Variants in AGMO observed in about 807,000 individuals in gnomAD.
AGMO encodes the protein alkylglycerol monooxygenase.
AGMO carries 75 observed loss-of-function variants against 60.2 expected under a neutral mutation model. The observed-to-expected ratio is 1.25, with a 90% CI of 1.03 to 1.51. The LOEUF (loss-of-function observed/expected upper bound fraction) is 1.51, where lower values mean the gene tolerates loss of function less well. Ranked by LOEUF, AGMO falls within the 40% of genes most tolerant of loss-of-function variation. The probability of loss-of-function intolerance (pLI) is 0.00; values close to 1 mark genes in which losing one functional copy is unlikely to be tolerated. For synonymous variants in AGMO, 261 were observed against 177.1 expected, an observed-to-expected ratio of 1.47 and a Z score of -3.76; for missense variants, 763 against 525.5, an observed-to-expected ratio of 1.45 and a Z score of -4.42.
chr7:15,190,074 C>T, the AGMO span, among the ~76,000 whole-genome samples: 2,417 of 3,680 alleles, frequency 0.66, 1,109 homozygotes, highest in East Asian at 0.91. Context: ...TTTTAAGTGC[C>T]ATATATATAT....
chr7:15,296,456 G>C (rs1310825876), intron 12 of AGMO, among the ~76,000 whole-genome samples: 1 of 152,154 alleles, frequency 6.6e-6, no homozygotes, highest in Non-Finnish European at 1.5e-5. Context: ...TTGAAGTCCA[G>C]ATGGACTGGA....
At chr7:15,336,585 A>G (rs1456788755) in intron 12 of AGMO, among the ~76,000 whole-genome samples, 1 of 152,136 alleles carries the variant, frequency 6.6e-6, no homozygotes, top group African/African-American at 2.4e-5. Flanking sequence ...GGAAATTTCA[A>G]TTGTCATTTA....
At chr7:15,145,436 T>TA in the AGMO span, among the ~76,000 whole-genome samples, 2 of 152,094 alleles carry the variant, frequency 1.3e-5, no homozygotes, top group Non-Finnish European at 2.9e-5. Flanking sequence ...ATGAATACAA[T>TA]AAAAATTGAC....
Position 15,285,854 on chromosome 7 carries a change from C to T in AGMO, c.1263+79660G>A, listed in dbSNP as rs867245170. Among the ~76,000 whole-genome samples, 56 of 151,996 alleles carry T rather than the reference C, an allele frequency of 3.7e-4. 1 individual carries two copies. Among genetic ancestry groups the T allele is most frequent in the African/African-American group, 1.3e-3 (53 of 41,432 alleles). ...AGTCATAACTACCAAAACAGCATGACACTGGTATACAAGTAGGTGCATCAT... is the reference window on the plus strand; with the variant it reads ...AGTCATAACTACCAAAACAGCATGATACTGGTATACAAGTAGGTGCATCAT... On this transcript the variant is annotated intron_variant, in intron 12 of 12. Coordinates refer to ENST00000342526, the MANE Select transcript of AGMO (RefSeq NM_001004320.2).
the AGMO span, among the ~76,000 whole-genome samples, chr7:15,182,833 G>T: frequency 1.3e-5 from 2 of 152,288 alleles, no homozygotes; most frequent in African/African-American, 2.4e-5. Flanking sequence ...GCTGTAGGGA[G>T]CATAGTGGCT....
At chr7:15,189,551 T>C in the AGMO span, among the ~76,000 whole-genome samples, 3 of 152,098 alleles carry the variant, frequency 2.0e-5, no homozygotes, top group African/African-American at 7.2e-5. Flanking sequence ...TGCTTCACTT[T>C]TTGTTTTTTG....
At chr7:15,483,821 T>G (rs1459580875) in intron 3 of AGMO, among the ~76,000 whole-genome samples, 2 of 152,078 alleles carry the variant, frequency 1.3e-5, no homozygotes, top group African/African-American at 4.8e-5. Flanking sequence ...TTTGAGGGAC[T>G]GTGCAAGATG....
intron 12 of AGMO, among the ~76,000 whole-genome samples, chr7:15,339,244 G>A (rs1781757018): frequency 6.6e-6 from 1 of 152,122 alleles, no homozygotes; most frequent in Admixed American, 6.6e-5. Context: ...AATATCTACA[G>A]GGCCAGAATT....
intron 2 of AGMO, among the ~76,000 whole-genome samples, chr7:15,547,143 CA>C (rs142493134): frequency 0.014 from 1,911 of 140,636 alleles, 27 homozygotes; most frequent in African/African-American, 0.044. Flanking sequence ...GAATGTATTC[CA>C]GCATTGCTGT....
At chr7:15,198,706 A>C (rs1183237723), downstream of AGMO, among the ~76,000 whole-genome samples, 1 of 152,074 alleles carries the variant, frequency 6.6e-6, no homozygotes, top group Admixed American at 6.6e-5. Flanking sequence ...CAGAGATAAA[A>C]ATCAAAGAGC....
At chr7:15,141,305 G>A in the AGMO span, among the ~76,000 whole-genome samples, 9 of 152,154 alleles carry the variant, frequency 5.9e-5, no homozygotes, top group East Asian at 7.7e-4. Context: ...ATGTGTTGGC[G>A]GGGCACGGTG....
chr7:15,519,988 A>AAAAAAAAAAAGAACC (rs1783935329), intron 3 of AGMO, among the ~76,000 whole-genome samples: 3 of 150,624 alleles, frequency 2.0e-5, no homozygotes, highest in Non-Finnish European at 4.4e-5. Context: ...GGAAGCCAAA[A>AAAAAAAAAAAGAACC]AAAAAAAAAA....
the AGMO span, among the ~76,000 whole-genome samples, chr7:15,161,288 G>T: frequency 6.6e-6 from 1 of 152,080 alleles, no homozygotes; most frequent in Non-Finnish European, 1.5e-5. Flanking sequence ...GCAGTTGAAA[G>T]CTTTGCAAGA....
At chr7:15,236,243 T>G (rs1035527662) in intron 12 of AGMO, among the ~76,000 whole-genome samples, 2 of 152,142 alleles carry the variant, frequency 1.3e-5, no homozygotes, top group African/African-American at 4.8e-5. Flanking sequence ...TGAATAATAC[T>G]CTGTCTAGAA....
intron 8 of AGMO, among the ~76,000 whole-genome samples, chr7:15,390,465 A>T (rs1262592087): frequency 6.6e-6 from 1 of 152,210 alleles, no homozygotes; most frequent in Non-Finnish European, 1.5e-5. Flanking sequence ...ACATATTTGA[A>T]AATTACTTGT....
intron 12 of AGMO, among the ~76,000 whole-genome samples, chr7:15,350,854 G>A (rs1250636898): frequency 6.6e-6 from 1 of 152,154 alleles, no homozygotes; most frequent in African/African-American, 2.4e-5. Flanking sequence ...CTGAGCATAT[G>A]GAGAACATTG....
chr7:15,537,861 C>A (rs181421438), intron 3 of AGMO, among the ~76,000 whole-genome samples: 1 of 152,068 alleles, frequency 6.6e-6, no homozygotes, highest in East Asian at 1.9e-4. Context: ...CCGAGAAAGG[C>A]CCCTCAAATC....
chr7:15,307,290 C>A lies in AGMO; in HGVS notation c.1263+58224G>T, dbSNP rs373013589. 7.3e-3 allele frequency among the ~76,000 whole-genome samples: 1,107 copies of A among 152,030 alleles called. 7 individuals carry two copies. The highest frequency in any genetic ancestry group is 0.025 in the African/African-American group (1,038 of 41,476). ...ACTTGTCTTCAAAAGCCAAGCCCAT[C>A]TATTTGGAAGAAACCTTGAATCACC... On this transcript the variant is annotated intron_variant, in intron 12 of 12. Transcript: ENST00000342526.
chr7:15,200,032 G>C (rs1337160466), downstream of AGMO, among the ~76,000 whole-genome samples: 1 of 152,002 alleles, frequency 6.6e-6, no homozygotes, highest in Non-Finnish European at 1.5e-5. Flanking sequence ...GATTATCTAA[G>C]TCAGGCTCCT....
Sources: gnomAD v4.1 joint callset for allele counts (sites outside exome capture counted in the v4.1 genomes callset) on GRCh38, gnomAD v4.1.1 for gene constraint, MANE v1.5 for transcripts, NCBI Gene and HGNC (gene_info 2026-07-23, HGNC 2026-07-21) for gene names.